IQSEC1: variants seen among roughly 807,000 people sequenced by gnomAD.
IQSEC1 encodes the protein IQ motif and Sec7 domain ArfGEF 1, also known as IQ motif and SEC7 domain-containing protein 1.
IQSEC1 carries 31 observed loss-of-function variants against 91.0 expected under a neutral mutation model. The observed-to-expected ratio is 0.34, with a 90% CI of 0.26 to 0.46. The LOEUF (loss-of-function observed/expected upper bound fraction) is 0.46, where lower values mean the gene tolerates loss of function less well. Ranked by LOEUF, IQSEC1 falls within the 20% of genes least tolerant of loss-of-function variation. The pLI is 1.00. For missense variants in IQSEC1, 1,388 were observed against 1,575.6 expected, an observed-to-expected ratio of 0.88 and a Z score of 2.02; for synonymous variants, 699 against 662.6, an observed-to-expected ratio of 1.05 and a Z score of -0.84.
intron 1 of IQSEC1, among the ~76,000 whole-genome samples, chr3:13,281,521 C>T (rs76615597): frequency 6.6e-6 from 1 of 152,148 alleles, no homozygotes; most frequent in Non-Finnish European, 1.5e-5. Context: ...CTCCAAAGAG[C>T]CCCCCAGCCC....
chr3:13,247,626 A>T (rs1695130002), intron 1 of IQSEC1, among the ~76,000 whole-genome samples: 1 of 152,234 alleles, frequency 6.6e-6, no homozygotes. Context: ...CCCTACAGTT[A>T]GGGGCATCAG....
chr3:13,066,550 A>C (rs963519780), intron 1 of IQSEC1, among the ~76,000 whole-genome samples: 1 of 152,240 alleles, frequency 6.6e-6, no homozygotes, highest in Non-Finnish European at 1.5e-5. Flanking sequence ...CAGCATGGGC[A>C]AGAGTGTGGC....
chr3:13,145,536 T>G (rs922491868), intron 2 of IQSEC1, among the ~76,000 whole-genome samples: 2 of 152,032 alleles, frequency 1.3e-5, no homozygotes, highest in African/African-American at 2.4e-5. Flanking sequence ...CTGGCAGAAC[T>G]GGCACAAGCC....
chr3:13,004,968 G>A (rs1371604120), intron 1 of IQSEC1, among the ~76,000 whole-genome samples: 2 of 152,188 alleles, frequency 1.3e-5, no homozygotes, highest in Non-Finnish European at 2.9e-5. Flanking sequence ...CTCTCATCCC[G>A]TATGTGCAGC....
chr3:12,925,021 C>A (rs993730923), intron 3 of IQSEC1, among the ~76,000 whole-genome samples: 5 of 152,232 alleles, frequency 3.3e-5, no homozygotes, highest in Non-Finnish European at 7.3e-5. Context: ...CACCTAGACT[C>A]ACCCAGACCT....
chr3:13,189,029 C>A (rs1195017754), intron 1 of IQSEC1, among the ~76,000 whole-genome samples: 1 of 152,230 alleles, frequency 6.6e-6, no homozygotes, highest in Non-Finnish European at 1.5e-5. Context: ...GGCCTCTGCC[C>A]AGTCTCTCTC....
chr3:13,283,105 T>G (rs1330855758), exon 1 of IQSEC1, among the ~76,000 whole-genome samples: 5 of 140,270 alleles, frequency 3.6e-5, no homozygotes, highest in Non-Finnish European at 7.8e-5. Context: ...CGGCCCCGCC[T>G]CGGCTCCCGC....
intron 1 of IQSEC1, among the ~76,000 whole-genome samples, chr3:13,009,460 G>A (rs1258604701): frequency 2.0e-5 from 3 of 151,948 alleles, no homozygotes; most frequent in Non-Finnish European, 4.4e-5. Flanking sequence ...CATCCTGCCC[G>A]CTCTCCGCCC....
At chr3:13,222,109 T>G (rs562886290) in intron 1 of IQSEC1, among the ~76,000 whole-genome samples, 98 of 152,176 alleles carry the variant, frequency 6.4e-4, no homozygotes, top group African/African-American at 2.2e-3. Context: ...CTTCCCCAAC[T>G]GAAACTCTGC....
intron 1 of IQSEC1, among the ~76,000 whole-genome samples, chr3:13,067,066 C>G (rs773194473): frequency 2.0e-5 from 3 of 152,168 alleles, no homozygotes; most frequent in Non-Finnish European, 4.4e-5. Context: ...AGCAGCCTGC[C>G]CAGGGTCACA....
At chr3:12,963,628 G>T (rs977800195) in intron 1 of IQSEC1, among the ~76,000 whole-genome samples, 5 of 152,186 alleles carry the variant, frequency 3.3e-5, no homozygotes, top group African/African-American at 9.7e-5. Context: ...CCATTTCATG[G>T]ATGAGAAAAT....
chr3:13,085,403 G>A (rs1032138326), intron 2 of IQSEC1, among the ~76,000 whole-genome samples: 4 of 152,122 alleles, frequency 2.6e-5, no homozygotes, highest in South Asian at 2.1e-4. Context: ...CGTGGAGGGC[G>A]GGGCTTCATG....
chr3:12,911,175 G>A (rs1695520213), intron 10 of IQSEC1, among the ~76,000 whole-genome samples: 2 of 152,202 alleles, frequency 1.3e-5, no homozygotes, highest in African/African-American at 4.8e-5. Context: ...CAGAGGGGTT[G>A]CAGAGCCAGG....
chr3:13,104,532 C>T (rs998763875), intron 2 of IQSEC1, among the ~76,000 whole-genome samples: 3 of 152,174 alleles, frequency 2.0e-5, no homozygotes, highest in Non-Finnish European at 2.9e-5. Flanking sequence ...ATTTCCACCG[C>T]TGACCCAGCA....
chr3:12,913,454 T>C lies in IQSEC1; in HGVS notation c.2290A>G (p.Ile764Val). ...ACCAGGAGGTCGTTGAACAGGAAGA[T>C]TTCTCGCTGGTGTAGTCCGAGTTTC... ...PQKLGLHQREIFLFNDLLVVT... is the reference protein window; with the variant it reads ...PQKLGLHQREVFLFNDLLVVT... The change falls in exon 9 of 14, where the codon ATC becomes GTC. Residue 764 changes from isoleucine (I) to valine (V), a missense_variant. Physicochemically the swap from Ile to Val is conservative, Grantham distance 29. This residue lies in a region of IQSEC1 where 1,059 missense variants were observed against 1,317.8 expected (regional missense o/e 0.80). Transcript: ENST00000613206. 6.2e-7 allele frequency: 1 copy of C among 1,604,244 alleles called. No individual in the cohort carries two copies. Among genetic ancestry groups the C allele is most frequent in the Middle Eastern group, 1.7e-4 (1 of 6,026 alleles).
intron 1 of IQSEC1, among the ~76,000 whole-genome samples, chr3:12,945,394 T>A (rs1699114173): frequency 6.6e-6 from 1 of 152,000 alleles, no homozygotes; most frequent in African/African-American, 2.4e-5. Flanking sequence ...TTCCCTTCCA[T>A]CCTGGAGCCA....
intron 1 of IQSEC1, among the ~76,000 whole-genome samples, chr3:13,241,268 G>A (rs182741699): frequency 6.6e-6 from 1 of 152,336 alleles, no homozygotes; most frequent in East Asian, 1.9e-4. Context: ...AAACAGGCCA[G>A]ACACAAGCAG....
chr3:13,175,958 C>A (rs1693720185), intron 1 of IQSEC1, among the ~76,000 whole-genome samples: 1 of 152,232 alleles, frequency 6.6e-6, no homozygotes, highest in Non-Finnish European at 1.5e-5. Flanking sequence ...TTTACGAATG[C>A]TGGGGGCACA....
chr3:13,183,576 A>G (rs1397688915), intron 1 of IQSEC1, among the ~76,000 whole-genome samples: 11 of 152,206 alleles, frequency 7.2e-5, no homozygotes, highest in Non-Finnish European at 1.6e-4. Context: ...AAACAAAAAA[A>G]AAGAAAAATG....
Sources: gnomAD v4.1 joint callset for allele counts (sites outside exome capture counted in the v4.1 genomes callset) on GRCh38, gnomAD v4.1.1 for gene constraint, gnomAD v4.1.1 regional missense constraint, MANE v1.5 for transcripts, NCBI Gene and HGNC (gene_info 2026-07-23, HGNC 2026-07-21) for gene names.